The following PDGFD variants were observed in gnomAD, a reference collection of about 807,000 sequenced individuals.
The protein encoded by PDGFD is platelet-derived growth factor D.
A neutral mutation model predicts 44.7 loss-of-function variants in PDGFD; 30 were observed. That is an observed-to-expected ratio of 0.67 (90% CI 0.50 to 0.91). The LOEUF (loss-of-function observed/expected upper bound fraction) is 0.91, where lower values mean the gene tolerates loss of function less well. Among genes scored for constraint, PDGFD ranks in the 40% least tolerant of loss-of-function variants. The probability of loss-of-function intolerance (pLI) is 0.00; values close to 1 mark genes in which losing one functional copy is unlikely to be tolerated. For missense variants in PDGFD, 445 were observed against 457.8 expected (o/e 0.97, Z 0.25); for synonymous variants, 173 against 168.4 (o/e 1.03, Z -0.21).
At chr11:104,009,445 A>ATTATT (rs946700188) in intron 1 of PDGFD, among the ~76,000 whole-genome samples, 3 of 151,374 alleles carry the variant, frequency 2.0e-5, no homozygotes, top group Non-Finnish European at 4.4e-5. Context: ...TATTATTATT[A>ATTATT]TTATTATTAT....
At chr11:103,927,762 C>T (rs146801892) in intron 5 of PDGFD, among the ~76,000 whole-genome samples, 3 of 152,216 alleles carry the variant, frequency 2.0e-5, no homozygotes, top group East Asian at 3.9e-4. Flanking sequence ...GCTTTGGAGC[C>T]GCAGTAAAGT....
At chr11:104,100,363 G>A (rs986059479) in intron 1 of PDGFD, among the ~76,000 whole-genome samples, 2 of 152,146 alleles carry the variant, frequency 1.3e-5, no homozygotes, top group African/African-American at 4.8e-5. Flanking sequence ...AGAAAATCTA[G>A]AAGAAATGGA....
rs182550483 is a variant in PDGFD at position 104,144,423 on chromosome 11, T to G, written c.124+19381A>C. 7.9e-3 allele frequency among the ~76,000 whole-genome samples: 1,156 copies of G among 147,162 alleles called. 18 individuals carry two copies. The highest frequency in any genetic ancestry group is 0.027 in the African/African-American group (1,079 of 39,554). ...CGGGAGGCTGAGGCAGGAGAATCGC[T>G]TGAACCCAGGCGGCAGAAGTTGCAG... On this transcript the variant is annotated intron_variant, in intron 1 of 6. Coordinates refer to ENST00000393158, the MANE Select transcript of PDGFD (RefSeq NM_025208.5).
chr11:104,108,192 C>A, intron 1 of PDGFD, among the ~76,000 whole-genome samples: 1 of 151,858 alleles, frequency 6.6e-6, no homozygotes. Flanking sequence ...GCAACAAAAG[C>A]CAAAATTGAC....
At chr11:103,965,653 G>C (rs752630792) in intron 3 of PDGFD, among the ~76,000 whole-genome samples, 51 of 152,158 alleles carry the variant, frequency 3.4e-4, no homozygotes, top group Non-Finnish European at 5.1e-4. Flanking sequence ...GGTTGGGGTT[G>C]GGTAGAGTTC....
chr11:104,009,387 C>T (rs1859749441), intron 1 of PDGFD, among the ~76,000 whole-genome samples: 1 of 151,888 alleles, frequency 6.6e-6, no homozygotes, highest in South Asian at 2.1e-4. Context: ...GAGTGGCAAG[C>T]TCAGCAAAAT....
At chr11:103,989,204 A>G (rs1224959372) in intron 3 of PDGFD, among the ~76,000 whole-genome samples, 1 of 152,218 alleles carries the variant, frequency 6.6e-6, no homozygotes, top group African/African-American at 2.4e-5. Flanking sequence ...TTTGATTAAC[A>G]TAACCTTCCC....
At chr11:104,005,868 G>C (rs1859694599) in intron 1 of PDGFD, among the ~76,000 whole-genome samples, 1 of 152,182 alleles carries the variant, frequency 6.6e-6, no homozygotes, top group Admixed American at 6.5e-5. Flanking sequence ...ACTTTTCACA[G>C]AGAGGAAATA....
chr11:103,991,222 A>G (rs529569333), intron 3 of PDGFD, among the ~76,000 whole-genome samples: 2 of 152,242 alleles, frequency 1.3e-5, no homozygotes, highest in South Asian at 4.1e-4. Context: ...TTGTTTTACC[A>G]ACTGGTAAAT....
At position 104,036,869 on chromosome 11, in the gene PDGFD, C is replaced by A. The variant is rs767135520; in HGVS notation, c.125-36614G>T. On this transcript the variant is annotated intron_variant, in intron 1 of 6. Coordinates refer to ENST00000393158, the MANE Select transcript of PDGFD (RefSeq NM_025208.5). ...GTGCGGAGGGACCTCTCCGAGGTCA[C>A]CTTCTCTCTCCAGGTCAGCCCCGAC... The A allele has an allele frequency of 5.0e-6, 8 of 1,614,018 alleles. No individual in the cohort carries two copies. The Admixed American group carries it at 1.2e-4, about 24-fold the overall frequency.
At chr11:104,061,022 G>T (rs1405299111) in intron 1 of PDGFD, among the ~76,000 whole-genome samples, 1 of 151,882 alleles carries the variant, frequency 6.6e-6, no homozygotes, top group Non-Finnish European at 1.5e-5. Context: ...CTTCCCACAG[G>T]CCCTGGTAAC....
chr11:104,047,594 G>C lies in PDGFD; in HGVS notation c.125-47339C>G, dbSNP rs115558739. ...CACTTTTTGATGGGGTTGTTTGCAG[G>C]TTACATTATTTTTTAAAAAAATAAG... On this transcript the variant is annotated intron_variant, in intron 1 of 6. Coordinates refer to ENST00000393158, the MANE Select transcript of PDGFD (RefSeq NM_025208.5). Among the ~76,000 whole-genome samples, 1,270 of 146,654 alleles carry C rather than the reference G, an allele frequency of 8.7e-3. 116 individuals carry two copies. Among genetic ancestry groups the C allele is most frequent in the African/African-American group, 0.03 (1,200 of 40,382 alleles).
chr11:103,926,883 T>C (rs760018780), intron 6 of PDGFD, 29 bp downstream of exon 6: 5 of 1,593,278 alleles, frequency 3.1e-6, no homozygotes, highest in Admixed American at 3.5e-5. Flanking sequence ...AGATTAAGCA[T>C]TGCAACAAGA....
At chr11:103,993,685 C>T (rs1371704448) in intron 3 of PDGFD, among the ~76,000 whole-genome samples, 1 of 152,092 alleles carries the variant, frequency 6.6e-6, no homozygotes, top group Non-Finnish European at 1.5e-5. Context: ...TCTATCCCTG[C>T]TGAGCCAAGA....
chr11:104,117,141 T>C (rs1458235222), intron 1 of PDGFD, among the ~76,000 whole-genome samples: 2 of 151,964 alleles, frequency 1.3e-5, no homozygotes, highest in African/African-American at 4.8e-5. Context: ...CAAATGATCA[T>C]CTCAATAGAC....
At chr11:104,134,156 T>C (rs989095576) in intron 1 of PDGFD, among the ~76,000 whole-genome samples, 1 of 152,192 alleles carries the variant, frequency 6.6e-6, no homozygotes, top group Non-Finnish European at 1.5e-5. Context: ...TGTGTGTATA[T>C]TACCAAATAT....
At chr11:103,988,719 G>A (rs1461624852) in intron 3 of PDGFD, among the ~76,000 whole-genome samples, 1 of 152,124 alleles carries the variant, frequency 6.6e-6, no homozygotes, top group African/African-American at 2.4e-5. Context: ...TATGAGCTCT[G>A]TGACCACAGG....
chr11:104,117,650 A>G (rs1861661512), intron 1 of PDGFD, among the ~76,000 whole-genome samples: 2 of 152,026 alleles, frequency 1.3e-5, no homozygotes, highest in South Asian at 4.1e-4. Flanking sequence ...CAAAATAAAT[A>G]GAATACTTAG....
chr11:103,975,128 C>G (rs76043312), intron 3 of PDGFD, among the ~76,000 whole-genome samples: 3,504 of 152,330 alleles, frequency 0.023, 63 homozygotes, highest in Middle Eastern at 0.051. Context: ...GAAAAGCATT[C>G]CTATTTCTCC....
Sources: gnomAD v4.1 joint callset for allele counts (sites outside exome capture counted in the v4.1 genomes callset) on GRCh38, gnomAD v4.1.1 for gene constraint, MANE v1.5 for transcripts, NCBI Gene and HGNC (gene_info 2026-07-23, HGNC 2026-07-21) for gene names.